The following UBE2D2 variants were observed in gnomAD, a reference collection of about 807,000 sequenced individuals.
The protein encoded by UBE2D2 is ubiquitin conjugating enzyme E2 D2.
A neutral mutation model predicts 24.2 loss-of-function variants in UBE2D2; 2 were observed. That is an observed-to-expected ratio of 0.08 (90% CI 0.03 to 0.26). The LOEUF (loss-of-function observed/expected upper bound fraction) is 0.26, where lower values mean the gene tolerates loss of function less well. UBE2D2 is among the 10% of genes least tolerant of loss of function. The probability of loss-of-function intolerance (pLI) is 1.00; values close to 1 mark genes in which losing one functional copy is unlikely to be tolerated. For missense variants in UBE2D2, 44 were observed against 177.6 expected, an observed-to-expected ratio of 0.25 and a Z score of 4.28; for synonymous variants, 58 against 56.5, an observed-to-expected ratio of 1.03 and a Z score of -0.12.
intron 1 of UBE2D2, among the ~76,000 whole-genome samples, chr5:139,539,434 G>C (rs964555217): frequency 1.3e-5 from 2 of 152,154 alleles, no homozygotes; most frequent in Middle Eastern, 3.2e-3. Context: ...GGCTTAGGGA[G>C]ATAGGGGTGT....
At chr5:139,549,955 T>G (rs1343059203) in intron 1 of UBE2D2, among the ~76,000 whole-genome samples, 1 of 152,220 alleles carries the variant, frequency 6.6e-6, no homozygotes, top group African/African-American at 2.4e-5. Context: ...AAACTTTATG[T>G]CTAGCTAAAG....
intron 1 of UBE2D2, among the ~76,000 whole-genome samples, chr5:139,550,601 A>T (rs887080764): frequency 1.3e-5 from 2 of 152,008 alleles, no homozygotes; most frequent in African/African-American, 2.4e-5. Context: ...GATCTTTGAG[A>T]TAACTTGCTG....
chr5:139,591,225 A>G (rs1326870397), intron 1 of UBE2D2, among the ~76,000 whole-genome samples: 3 of 150,684 alleles, frequency 2.0e-5, no homozygotes, highest in Admixed American at 1.3e-4. Flanking sequence ...GGTTCAAGCA[A>G]TTCTCCTGCC....
intron 1 of UBE2D2, among the ~76,000 whole-genome samples, chr5:139,526,889 G>A (rs1220041456): frequency 6.6e-6 from 1 of 152,138 alleles, no homozygotes; most frequent in Admixed American, 6.6e-5. Flanking sequence ...TTGGTATTCA[G>A]ATTTTGAATT....
intron 5 of UBE2D2, among the ~76,000 whole-genome samples, chr5:139,622,665 G>T (rs1191694483): frequency 6.6e-6 from 1 of 151,136 alleles, no homozygotes; most frequent in African/African-American, 2.4e-5. Context: ...CAAGGTGGGC[G>T]GATCACGAGG....
chr5:139,542,069 C>T (rs962282247), intron 1 of UBE2D2, among the ~76,000 whole-genome samples: 1 of 152,076 alleles, frequency 6.6e-6, no homozygotes, highest in Non-Finnish European at 1.5e-5. Flanking sequence ...CACCTGTAAT[C>T]CCAGCTACTC....
chr5:139,558,577 C>T (rs988277203), upstream of UBE2D2, among the ~76,000 whole-genome samples: 6 of 152,064 alleles, frequency 3.9e-5, no homozygotes, highest in African/African-American at 1.4e-4. Context: ...CGTGAGCCAC[C>T]GCGCCCAGCC....
At chr5:139,544,307 G>C (rs531079915) in intron 1 of UBE2D2, among the ~76,000 whole-genome samples, 10 of 136,890 alleles carry the variant, frequency 7.3e-5, no homozygotes, top group Non-Finnish European at 1.2e-4. Context: ...TTTTTTTTTA[G>C]ACAGAGTTTT....
chr5:139,625,124 C>G (rs1006494239), intron 6 of UBE2D2, among the ~76,000 whole-genome samples: 1 of 150,812 alleles, frequency 6.6e-6, no homozygotes, highest in Admixed American at 6.6e-5. Context: ...GTGGCACAAT[C>G]GTGGCTCACT....
At chr5:139,579,862 A>G (rs946664523) in intron 1 of UBE2D2, among the ~76,000 whole-genome samples, 9 of 151,932 alleles carry the variant, frequency 5.9e-5, no homozygotes, top group African/African-American at 2.2e-4. Context: ...CCTGGCCAAC[A>G]TGGTGAAACC....
Position 139,623,469 on chromosome 5 carries a change from T to C in UBE2D2, c.398+8T>C. On this transcript the variant is annotated splice_region_variant and intron_variant, in intron 6 of 6. Transcript: ENST00000398733. ...CAAAACAGATAGAGAAAAGTAAGTA[T>C]GGCCTCAAGATGGAAAGTTATCTGT... is the stretch of plus-strand genomic sequence containing the variant. The C allele has an allele frequency of 3.1e-6, 5 of 1,595,154 alleles. No homozygotes were observed. Among genetic ancestry groups the C allele is most frequent in the Non-Finnish European group, 4.3e-6 (5 of 1,164,962 alleles).
intron 1 of UBE2D2, among the ~76,000 whole-genome samples, chr5:139,548,193 A>AAAAAATAAAAAAAT: frequency 2.1e-5 from 1 of 47,112 alleles, no homozygotes; most frequent in Middle Eastern, 9.8e-3. Context: ...ATAAAAAAAA[A>AAAAAATAAAAAAAT]AAATAAATAA....
chr5:139,553,400 G>C (rs1365640663), intron 1 of UBE2D2, among the ~76,000 whole-genome samples: 1 of 152,168 alleles, frequency 6.6e-6, no homozygotes, highest in Non-Finnish European at 1.5e-5. Flanking sequence ...GCAGTCATCT[G>C]TCTATTTATA....
chr5:139,589,909 C>T (rs370783520), intron 1 of UBE2D2, among the ~76,000 whole-genome samples: 6 of 152,100 alleles, frequency 3.9e-5, no homozygotes, highest in African/African-American at 1.2e-4. Context: ...CTCAGCCTCC[C>T]GAGTAGCTGG....
intron 1 of UBE2D2, among the ~76,000 whole-genome samples, chr5:139,591,937 T>C (rs1753853852): frequency 6.6e-6 from 1 of 152,106 alleles, no homozygotes; most frequent in Non-Finnish European, 1.5e-5. Flanking sequence ...CGGTGGCTCA[T>C]GCCTGTAATT....
chr5:139,533,623 C>T lies in UBE2D2; in HGVS notation c.-64+7011C>T, dbSNP rs1403639014. On this transcript the variant is annotated intron_variant, in intron 1 of 6. Transcript: ENST00000511725. ...CCAAGATCGCGCCATTGCACTCTAG[C>T]CTGGGCAACAAGAGCTAAACTCCGT... Among the ~76,000 whole-genome samples the T allele has an allele frequency of 3.3e-5, 5 of 150,908 alleles. No individual in the cohort carries two copies. In the East Asian group the frequency reaches 9.8e-4, roughly 29 times the overall value.
At chr5:139,526,431 C>T (rs1363114305) in exon 1 of UBE2D2, 1 of 152,254 alleles carries the variant, frequency 6.6e-6, no homozygotes, top group Non-Finnish European at 1.5e-5. Context: ...CCCTGTGGAG[C>T]ATCCCTGTGG....
At chr5:139,601,135 A>G (rs1378188485) in intron 2 of UBE2D2, among the ~76,000 whole-genome samples, 1 of 152,194 alleles carries the variant, frequency 6.6e-6, no homozygotes, top group Non-Finnish European at 1.5e-5. Flanking sequence ...TGTCCAATTT[A>G]TCTGCTTAAT....
intron 2 of UBE2D2, among the ~76,000 whole-genome samples, chr5:139,605,016 A>G (rs1374103397): frequency 1.3e-5 from 2 of 152,116 alleles, no homozygotes; most frequent in Non-Finnish European, 2.9e-5. Flanking sequence ...TTAATCTTAG[A>G]AGAAGGAAGA....
Sources: gnomAD v4.1 joint callset for allele counts (sites outside exome capture counted in the v4.1 genomes callset) on GRCh38, gnomAD v4.1.1 for gene constraint, MANE v1.5 for transcripts, NCBI Gene and HGNC (gene_info 2026-07-23, HGNC 2026-07-21) for gene names.